The following SART3 variants were observed in gnomAD, a reference collection of about 807,000 sequenced individuals.
SART3 encodes HIV-1 Tat-interacting protein of 110kDa.
A neutral mutation model predicts 122.3 loss-of-function variants in SART3; 44 were observed. The observed-to-expected ratio is 0.36, with a 90% CI of 0.28 to 0.46. The LOEUF (loss-of-function observed/expected upper bound fraction) is 0.46, where lower values mean the gene tolerates loss of function less well. Among genes scored for constraint, SART3 ranks in the 20% least tolerant of loss-of-function variants. The pLI is 1.00. For synonymous variants in SART3, 442 were observed against 454.0 expected (o/e 0.97, Z 0.34); for missense variants, 1,101 against 1,229.0 (o/e 0.90, Z 1.56).
chr12:108,556,322 T>TC, intron 1 of SART3, among the ~76,000 whole-genome samples: 1 of 152,290 alleles, frequency 6.6e-6, no homozygotes, highest in East Asian at 1.9e-4. Flanking sequence ...GGTCTCAAAC[T>TC]CCTGGGCTCA....
intron 1 of SART3, among the ~76,000 whole-genome samples, chr12:108,553,793 T>G (rs1483165691): frequency 2.0e-5 from 3 of 152,256 alleles, no homozygotes; most frequent in Non-Finnish European, 4.4e-5. Flanking sequence ...TTACGGGGTT[T>G]TGTTCAAGTG....
In SART3 at chr12:108,560,915, G is replaced by C; in HGVS notation, c.240C>G (p.Pro80=). ...CGTCATATTCCCACTCGTACTCCCC[G>C]GGGGAGCTCTCCGCGGAGGAAGCCA... ...YAMASSAESS[P]GEYEWEYDEE... Residue 80 remains proline (P), a synonymous_variant, in exon 1 of 19, where the codon CCC becomes CCG. Coordinates refer to ENST00000546815, the MANE Select transcript of SART3 (RefSeq NM_014706.4). The C allele has an allele frequency of 3.1e-6, 5 of 1,613,650 alleles. No individual in the cohort carries two copies. The highest frequency in any genetic ancestry group is 2.5e-6 in the Non-Finnish European group (3 of 1,179,836).
intron 17 of SART3, 131 bp downstream of exon 17, chr12:108,525,326 G>GTGC: frequency 1.1e-6 from 1 of 921,118 alleles, no homozygotes; most frequent in Non-Finnish European, 1.7e-6. Context: ...AGATCTTTCT[G>GTGC]TGAAATTAAC....
At chr12:108,556,790 C>T (rs2030238005) in intron 1 of SART3, among the ~76,000 whole-genome samples, 1 of 152,244 alleles carries the variant, frequency 6.6e-6, no homozygotes, top group Admixed American at 6.5e-5. Flanking sequence ...GAAGGATACA[C>T]TTTCTTCATT....
chr12:108,532,407 C>G, intron 12 of SART3, 73 bp from the exon 13 acceptor site: 1 of 1,257,044 alleles, frequency 8.0e-7, no homozygotes, highest in East Asian at 2.4e-5. Context: ...AGGCCGTCTT[C>G]TCCCAGGTAG....
At chr12:108,549,258 A>C in intron 1 of SART3, 44 bp from the exon 2 acceptor site, 1 of 1,607,764 alleles carries the variant, frequency 6.2e-7, no homozygotes. Flanking sequence ...CACCGTCATC[A>C]AGTAACTTAG....
At chr12:108,534,382 T>A (rs1229642011) in intron 12 of SART3, among the ~76,000 whole-genome samples, 1 of 152,050 alleles carries the variant, frequency 6.6e-6, no homozygotes, top group African/African-American at 2.4e-5. Context: ...GGGGTGGGAT[T>A]GTAAGAAACT....
At chr12:108,525,407 G>A (rs1593231286) in intron 17 of SART3, 50 bp downstream of exon 17, 9 of 1,607,860 alleles carry the variant, frequency 5.6e-6, no homozygotes, top group Non-Finnish European at 6.8e-6. Context: ...ATACAGAAAC[G>A]AAGTTTGCCC....
intron 16 of SART3, 196 bp from the exon 17 acceptor site, chr12:108,525,805 A>G: frequency 1.5e-6 from 1 of 646,412 alleles, no homozygotes; most frequent in Admixed American, 2.6e-5. Flanking sequence ...TTCCTCTGTA[A>G]AACGGCAAGA....
chr12:108,532,357 G>A (rs1293379968), intron 12 of SART3, 23 bp from the exon 13 acceptor site: 1 of 1,605,340 alleles, frequency 6.2e-7, no homozygotes, highest in Admixed American at 1.7e-5. Context: ...ACAAAAAGTT[G>A]CTGCCACCAG....
At chr12:108,540,641 C>CA (rs36065481) in intron 6 of SART3, among the ~76,000 whole-genome samples, 344 of 125,844 alleles carry the variant, frequency 2.7e-3, no homozygotes, top group African/African-American at 7.0e-3. Context: ...GCATTGAAGG[C>CA]AAAAAAAAAA....
chr12:108,544,292 A>G (rs867821752), intron 5 of SART3, 135 bp downstream of exon 5: 5 of 841,908 alleles, frequency 5.9e-6, no homozygotes, highest in Non-Finnish European at 1.1e-5. Flanking sequence ...ATCCAAAGAG[A>G]CAATATCCAA....
rs562652839 is a variant in SART3 at position 108,535,929 on chromosome 12, A to G, written c.1447-461T>C. Among the ~76,000 whole-genome samples, 9 of 152,270 alleles carry G rather than the reference A, an allele frequency of 5.9e-5. No homozygotes were observed. The South Asian group carries it at 1.9e-3, about 32-fold the overall frequency. ...GTTAAAAGATAAGCATCCCATATAA[A>G]AACTACCTGACAAATGTTAGTTTCT... On this transcript the variant is annotated intron_variant, in intron 11 of 18. Transcript: ENST00000546815.
Position 108,526,276 on chromosome 12 carries a change from C to G in SART3, c.2193G>C (p.Glu731Asp). 2 of 1,614,222 alleles carry G rather than the reference C, an allele frequency of 1.2e-6. No homozygotes were observed. The highest frequency in any genetic ancestry group is 1.7e-6 in the Non-Finnish European group (2 of 1,180,040). ...TGAAGATGGGTCGGATCTGGACCAC[C>G]TCCCCACAGGCCTCGAAGAGTGGCC... is the stretch of plus-strand genomic sequence containing the variant. ...KLRPLFEACG[E>D]VVQIRPIFSN... Residue 731 changes from glutamate (E) to aspartate (D), a missense_variant, in exon 16 of 19, where the codon GAG becomes GAC. This residue lies in a region of SART3 where 885 missense variants were observed against 1,080.1 expected (regional missense o/e 0.82). Transcript: ENST00000546815.
At chr12:108,524,566 C>G in intron 17 of SART3, 60 bp from the exon 18 acceptor site, 1 of 1,525,418 alleles carries the variant, frequency 6.6e-7, no homozygotes, top group East Asian at 2.2e-5. Context: ...GCAACCTCCT[C>G]CTGCAGGGCA....
chr12:108,524,560 C>T, intron 17 of SART3, 54 bp from the exon 18 acceptor site: 1 of 1,548,028 alleles, frequency 6.5e-7, no homozygotes, highest in Non-Finnish European at 8.9e-7. Context: ...AGGGACGCAA[C>T]CTCCTCCTGC....
At position 108,531,132 on chromosome 12, in the gene SART3, C is replaced by A. The variant is rs879067657; in HGVS notation, c.1746+72G>T. On this transcript the variant is annotated intron_variant, in intron 14 of 18. Transcript: ENST00000546815. ...CTTAGGAAAATGTAAAACATCTTGACAAGAAACATCCATACCAAACTGAGC... is the reference window on the plus strand; with the variant it reads ...CTTAGGAAAATGTAAAACATCTTGAAAAGAAACATCCATACCAAACTGAGC... 41 of 1,142,916 alleles carry A rather than the reference C, an allele frequency of 3.6e-5. No homozygotes were observed. In the South Asian group the frequency reaches 5.1e-4, roughly 14 times the overall value. 70.8% of individuals were successfully genotyped at this position (1,142,916 alleles called of 1,614,324 possible).
At position 108,524,416 on chromosome 12, in the gene SART3, T is replaced by G; in HGVS notation, c.2614A>C (p.Lys872Gln). Residue 872 changes from lysine to glutamine, a missense_variant, in exon 18 of 19, where the codon AAA (lysine) becomes CAA (glutamine). Coordinates refer to ENST00000546815, the MANE Select transcript of SART3 (RefSeq NM_014706.4). ...TGAGGAGGGTTGCTGATTGCCACTT[T>G]GATGATGTTCTCTTTGATAGTCATG... is the stretch of plus-strand genomic sequence containing the variant. ...DGMTIKENII[K>Q]VAISNPPQRK... 1.2e-6 allele frequency: 2 copies of G among 1,614,190 alleles called. No individual in the cohort carries two copies. Among genetic ancestry groups the G allele is most frequent in the Non-Finnish European group, 1.7e-6 (2 of 1,180,000 alleles).
intron 17 of SART3, 145 bp downstream of exon 17, chr12:108,525,312 G>C (rs980563503): frequency 1.2e-6 from 1 of 801,712 alleles, no homozygotes; most frequent in African/African-American, 1.7e-5. Flanking sequence ...GTAGAGCTAA[G>C]TGCAGATCTT....
Sources: gnomAD v4.1 joint callset for allele counts (sites outside exome capture counted in the v4.1 genomes callset) on GRCh38, gnomAD v4.1.1 for gene constraint, gnomAD v4.1.1 regional missense constraint, MANE v1.5 for transcripts, NCBI Gene and HGNC (gene_info 2026-07-23, HGNC 2026-07-21) for gene names.